Variants in TMEM174 observed in about 807,000 individuals in gnomAD.
The protein encoded by TMEM174 is transmembrane protein 174.
A neutral mutation model predicts 15.1 loss-of-function variants in TMEM174; 11 were observed. The observed-to-expected ratio is 0.73, with a 90% CI of 0.46 to 1.20. The LOEUF (loss-of-function observed/expected upper bound fraction) is 1.20. TMEM174 is among the 50% of genes most tolerant of loss of function. The pLI is 0.00. For missense variants in TMEM174, 321 were observed against 303.6 expected (o/e 1.06, Z -0.43); for synonymous variants, 130 against 121.3 (o/e 1.07, Z -0.47).
chr5:73,173,413 T>C lies in TMEM174; in HGVS notation c.170T>C (p.Met57Thr), dbSNP rs1561179049. 1.2e-6 allele frequency: 2 copies of C among 1,614,180 alleles called. No individual in the cohort carries two copies. The highest frequency in any genetic ancestry group is 4.5e-5 in the East Asian group (2 of 44,874). Reference sequence around the variant, plus strand: ...CTGGTGGGGATCACATTCACTGTCATGGGCTGGATCAAATACCAAGGTGTC... The same window carrying C: ...CTGGTGGGGATCACATTCACTGTCACGGGCTGGATCAAATACCAAGGTGTC... ...LGLVGITFTV[M>T]GWIKYQGVSH... Residue 57 changes from methionine (M) to threonine (T), a missense_variant, in exon 1 of 2, where the codon ATG becomes ACG. By Grantham distance (81) the Met-to-Thr change is moderately conservative. Transcript: ENST00000296776.
In TMEM174 at chr5:73,174,414, T is replaced by G. The variant is rs1745034285; in HGVS notation, c.*249T>G. On this transcript the variant is annotated 3_prime_UTR_variant, in exon 2 of 2. Coordinates refer to ENST00000296776, the MANE Select transcript of TMEM174 (RefSeq NM_153217.3). ...TTCAAATTCCCTCGGGTAAGAAATC[T>G]CCTGTATAAGGTTCAGGAGCAGGAA... 1 of 492,410 alleles carries G rather than the reference T, an allele frequency of 2.0e-6. No individual in the cohort carries two copies. Among genetic ancestry groups the G allele is most frequent in the African/African-American group, 1.9e-5 (1 of 51,886 alleles). The allele number at this position is 492,410 out of a possible 1,614,324, so 30.5% of individuals were successfully genotyped here. A position where few individuals can be genotyped will look rare whatever the true frequency, so the allele number is the denominator to read the frequency against.
Position 73,174,220 on chromosome 5 carries a change from C to T in TMEM174, c.*55C>T, listed in dbSNP as rs939408643. 1 of 1,518,428 alleles carries T rather than the reference C, an allele frequency of 6.6e-7. No homozygotes were observed. The allele number at this position is 1,518,428 out of a possible 1,614,324, so 94.1% of individuals were successfully genotyped here. On this transcript the variant is annotated 3_prime_UTR_variant, in exon 2 of 2. Coordinates refer to ENST00000296776, the MANE Select transcript of TMEM174 (RefSeq NM_153217.3). ...CAGCTCAGGGAGCAAGTGTTTCCGT[C>T]ATTGTTACCTGACAACCGTGGTGTT...
Position 73,174,090 on chromosome 5 carries a change from G to T in TMEM174, c.657G>T (p.Glu219Asp), listed in dbSNP as rs746744949. ...ATCCTGATGTTGACCAGCTAGAAGA[G>T]ACACAGCTGGAAGAGGAGGCCTGTG... is the stretch of plus-strand genomic sequence containing the variant. ...RPNPDVDQLE[E>D]TQLEEEACAC... is the part of the protein sequence containing the mutation. Residue 219 changes from glutamate to aspartate, a missense_variant, in exon 2 of 2, where the codon GAG becomes GAT. Transcript: ENST00000296776. 16 of 1,613,992 alleles carry T rather than the reference G, an allele frequency of 9.9e-6. No homozygotes were observed. The African/African-American group carries it at 1.7e-4, about 18-fold the overall frequency.
chr5:73,173,737 G>A lies in TMEM174; in HGVS notation c.494G>A (p.Gly165Asp), dbSNP rs757162449. Reference sequence around the variant, plus strand: ...CTGCAGTCTGTGGTGAGCCCCTGCGGCCTCATAACCTCTGGAGGGGCAGCA... The same window carrying A: ...CTGCAGTCTGTGGTGAGCCCCTGCGACCTCATAACCTCTGGAGGGGCAGCA... ...SYLQSVVSPCGLITSGGAAAA... is the reference protein window; with the variant it reads ...SYLQSVVSPCDLITSGGAAAA... Residue 165 changes from glycine to aspartate, a missense_variant, in exon 1 of 2, where the codon GGC becomes GAC. Physicochemically the swap from Gly to Asp is moderately conservative, Grantham distance 94. Transcript: ENST00000296776. 2.5e-6 allele frequency: 4 copies of A among 1,614,154 alleles called. No homozygotes were observed. Among genetic ancestry groups the A allele is most frequent in the Middle Eastern group, 1.6e-4 (1 of 6,062 alleles).
At position 73,175,090 on chromosome 5, in the gene TMEM174, T is replaced by C. The variant is rs1443893679; in HGVS notation, c.*925T>C. On this transcript the variant is annotated 3_prime_UTR_variant, in exon 2 of 2. Coordinates refer to ENST00000296776, the MANE Select transcript of TMEM174 (RefSeq NM_153217.3). ...GGGGAATGATATGATAGAAACAATC[T>C]TTATGACTAAAAGAAACTCATCTTC... 1 of 152,356 alleles carries C rather than the reference T, an allele frequency of 6.6e-6. No homozygotes were observed. The highest frequency in any genetic ancestry group is 1.5e-5 in the Non-Finnish European group (1 of 68,038). 9.4% of individuals were successfully genotyped at this position (152,356 alleles called of 1,614,324 possible).
In TMEM174 at chr5:73,174,200, C is replaced by T. The variant is rs1191004644; in HGVS notation, c.*35C>T. On this transcript the variant is annotated 3_prime_UTR_variant, in exon 2 of 2. Coordinates refer to ENST00000296776, the MANE Select transcript of TMEM174 (RefSeq NM_153217.3). ...TGATATAATAACACAATGCTCAGCT[C>T]AGGGAGCAAGTGTTTCCGTCATTGT... The T allele has an allele frequency of 3.2e-6, 5 of 1,584,284 alleles. No individual in the cohort carries two copies. The highest frequency in any genetic ancestry group is 2.6e-6 in the Non-Finnish European group (3 of 1,153,112).
rs755064799 is a variant in TMEM174 at position 73,173,291 on chromosome 5, C to T, written c.48C>T (p.Phe16=). ...GRLEDFPVNV[F]SVTPYTPSTA... is the part of the protein sequence containing the mutation. ...TGGAGGACTTCCCTGTCAATGTGTTCTCCGTCACTCCTTACACACCCAGCA... is the reference window on the plus strand; with the variant it reads ...TGGAGGACTTCCCTGTCAATGTGTTTTCCGTCACTCCTTACACACCCAGCA... The change falls in exon 1 of 2, where the codon TTC becomes TTT. Residue 16 remains phenylalanine, a synonymous_variant. Transcript: ENST00000296776. 41 of 1,556,510 alleles carry T rather than the reference C, an allele frequency of 2.6e-5. No individual in the cohort carries two copies. Among genetic ancestry groups the T allele is most frequent in the Admixed American group, 1.6e-4 (9 of 54,774 alleles).
At position 73,173,345 on chromosome 5, in the gene TMEM174, C is replaced by A; in HGVS notation, c.102C>A (p.Asp34Glu). 1 of 1,602,196 alleles carries A rather than the reference C, an allele frequency of 6.2e-7. No homozygotes were observed. The highest frequency in any genetic ancestry group is 8.5e-7 in the Non-Finnish European group (1 of 1,172,666). ...CTGACATCCAGGTGTCCGATGATGA[C>A]AAGGCGGGGGCCACCTTGCTCTTCT... ...STADIQVSDD[D>E]KAGATLLFSG... is the part of the protein sequence containing the mutation. Residue 34 changes from aspartate to glutamate, a missense_variant, in exon 1 of 2, where the codon GAC becomes GAA. Coordinates refer to ENST00000296776, the MANE Select transcript of TMEM174 (RefSeq NM_153217.3).
Position 73,175,062 on chromosome 5 carries a change from C to T in TMEM174, c.*897C>T, listed in dbSNP as rs1745046170. The T allele has an allele frequency of 6.6e-6, 1 of 152,322 alleles. No homozygotes were observed. The highest frequency in any genetic ancestry group is 1.5e-5 in the Non-Finnish European group (1 of 68,052). The allele number at this position is 152,322 out of a possible 1,614,324, so 9.4% of individuals were successfully genotyped here. A position where few individuals can be genotyped will look rare whatever the true frequency, so the allele number is the denominator to read the frequency against. ...ACAGAGCAGAGTTGCCATGTCAACACATGGGGAATGATATGATAGAAACAA... is the reference window on the plus strand; with the variant it reads ...ACAGAGCAGAGTTGCCATGTCAACATATGGGGAATGATATGATAGAAACAA... On this transcript the variant is annotated 3_prime_UTR_variant, in exon 2 of 2. Transcript: ENST00000296776.
Position 73,173,342 on chromosome 5 carries a change from T to A in TMEM174, c.99T>A (p.Asp33Glu), listed in dbSNP as rs374320523. 1.2e-6 allele frequency: 2 copies of A among 1,601,686 alleles called. No homozygotes were observed. Among genetic ancestry groups the A allele is most frequent in the Admixed American group, 3.4e-5 (2 of 59,564 alleles). ...CCGCTGACATCCAGGTGTCCGATGA[T>A]GACAAGGCGGGGGCCACCTTGCTCT... ...PSTADIQVSD[D>E]DKAGATLLFS... Residue 33 changes from aspartate to glutamate, a missense_variant, in exon 1 of 2, where the codon GAT (aspartate) becomes GAA (glutamate). Transcript: ENST00000296776.
chr5:73,174,211 T>C lies in TMEM174; in HGVS notation c.*46T>C, dbSNP rs750743373. 14 of 1,563,086 alleles carry C rather than the reference T, an allele frequency of 9.0e-6. 1 individual carries two copies. In the Middle Eastern group the frequency reaches 6.7e-4, roughly 75 times the overall value. ...CACAATGCTCAGCTCAGGGAGCAAG[T>C]GTTTCCGTCATTGTTACCTGACAAC... is the stretch of plus-strand genomic sequence containing the variant. On this transcript the variant is annotated 3_prime_UTR_variant, in exon 2 of 2. Transcript: ENST00000296776.
chr5:73,174,054 T>A lies in TMEM174; in HGVS notation c.627-6T>A. 1 of 1,613,768 alleles carries A rather than the reference T, an allele frequency of 6.2e-7. No homozygotes were observed. Among genetic ancestry groups the A allele is most frequent in the Non-Finnish European group, 8.5e-7 (1 of 1,179,982 alleles). ...AATGTACCTGTGTTTTCTGCTCACATTTCAGGCCCAATCCTGATGTTGACC... is the reference window on the plus strand; with the variant it reads ...AATGTACCTGTGTTTTCTGCTCACAATTCAGGCCCAATCCTGATGTTGACC... On this transcript the variant is annotated splice_region_variant and splice_polypyrimidine_tract_variant and intron_variant, in intron 1 of 1. Transcript: ENST00000296776.
At position 73,173,263 on chromosome 5, in the gene TMEM174, G is replaced by T. The variant is rs142247362; in HGVS notation, c.20G>T (p.Arg7Leu). MEQGSG[R>L]LEDFPVNVFS... ...GGAGCAATGGAGCAGGGCAGCGGCC[G>T]CTTGGAGGACTTCCCTGTCAATGTG... Residue 7 changes from arginine to leucine, a missense_variant, in exon 1 of 2, where the codon CGC becomes CTC. Transcript: ENST00000296776. 4 of 1,539,300 alleles carry T rather than the reference G, an allele frequency of 2.6e-6. No homozygotes were observed. The East Asian group carries it at 6.8e-5, about 26-fold the overall frequency.
chr5:73,173,330 G>A lies in TMEM174; in HGVS notation c.87G>A (p.Gln29=). 6.3e-7 allele frequency: 1 copy of A among 1,593,882 alleles called. No individual in the cohort carries two copies. Among genetic ancestry groups the A allele is most frequent in the South Asian group, 1.1e-5 (1 of 87,030 alleles). Residue 29 remains glutamine (Q), a synonymous_variant, in exon 1 of 2, where the codon CAG becomes CAA. Coordinates refer to ENST00000296776, the MANE Select transcript of TMEM174 (RefSeq NM_153217.3). The part of the protein sequence containing the change: ...TPYTPSTADI[Q]VSDDDKAGAT... ...ACACACCCAGCACCGCTGACATCCA[G>A]GTGTCCGATGATGACAAGGCGGGGG...
At position 73,173,416 on chromosome 5, in the gene TMEM174, G is replaced by T; in HGVS notation, c.173G>T (p.Gly58Val). The T allele has an allele frequency of 6.2e-7, 1 of 1,614,174 alleles. No individual in the cohort carries two copies. Among genetic ancestry groups the T allele is most frequent in the Non-Finnish European group, 8.5e-7 (1 of 1,180,008 alleles). ...GTGGGGATCACATTCACTGTCATGG[G>T]CTGGATCAAATACCAAGGTGTCTCC... Reference protein sequence around the residue: ...GLVGITFTVMGWIKYQGVSHF... With the variant: ...GLVGITFTVMVWIKYQGVSHF... Residue 58 changes from glycine to valine, a missense_variant, in exon 1 of 2, where the codon GGC becomes GTC. Transcript: ENST00000296776.
rs1467627474 is a variant in TMEM174 at position 73,173,395 on chromosome 5, G to T, written c.152G>T (p.Gly51Val). The T allele has an allele frequency of 1.2e-6, 2 of 1,612,984 alleles. No individual in the cohort carries two copies. The highest frequency in any genetic ancestry group is 2.2e-5 in the East Asian group (1 of 44,852). The change falls in exon 1 of 2, where the codon GGG (glycine) becomes GTG (valine). Residue 51 changes from glycine (G) to valine (V), a missense_variant. Gly to Val is a moderately radical substitution (Grantham distance 109). Transcript: ENST00000296776. ...TCAGGCATCTTTCTGGGACTGGTGG[G>T]GATCACATTCACTGTCATGGGCTGG... ...LFSGIFLGLV[G>V]ITFTVMGWIK...
Position 73,173,312 on chromosome 5 carries a change from C to T in TMEM174, c.69C>T (p.Pro23=). ...TGTTCTCCGTCACTCCTTACACACC[C>T]AGCACCGCTGACATCCAGGTGTCCG... The part of the protein sequence containing the change: ...VNVFSVTPYT[P]STADIQVSDD... The change falls in exon 1 of 2, where the codon CCC becomes CCT. Residue 23 remains proline, a synonymous_variant. Coordinates refer to ENST00000296776, the MANE Select transcript of TMEM174 (RefSeq NM_153217.3). The T allele has an allele frequency of 6.3e-7, 1 of 1,579,336 alleles. No individual in the cohort carries two copies. The highest frequency in any genetic ancestry group is 2.2e-5 in the East Asian group (1 of 44,580).
rs967955669 is a variant in TMEM174, at chr5:73,174,402, G to A, written c.*237G>A. The A allele has an allele frequency of 3.7e-5, 19 of 513,544 alleles. No individual in the cohort carries two copies. The highest frequency in any genetic ancestry group is 2.6e-4 in the South Asian group (10 of 37,868). The allele number at this position is 513,544 out of a possible 1,614,324, so 31.8% of individuals were successfully genotyped here. A position where few individuals can be genotyped will look rare whatever the true frequency, so the allele number is the denominator to read the frequency against. On this transcript the variant is annotated 3_prime_UTR_variant, in exon 2 of 2. Transcript: ENST00000296776. The stretch of plus-strand genomic sequence containing the variant: ...CTCCGGAACAGTTTCAAATTCCCTC[G>A]GGTAAGAAATCTCCTGTATAAGGTT...
rs771561319 is a variant in TMEM174, at chr5:73,173,415, G to A, written c.172G>A (p.Gly58Ser). 15 of 1,614,000 alleles carry A rather than the reference G, an allele frequency of 9.3e-6. No individual in the cohort carries two copies. The South Asian group carries it at 1.5e-4, about 17-fold the overall frequency. Reference sequence around the variant, plus strand: ...GGTGGGGATCACATTCACTGTCATGGGCTGGATCAAATACCAAGGTGTCTC... The same window carrying A: ...GGTGGGGATCACATTCACTGTCATGAGCTGGATCAAATACCAAGGTGTCTC... Reference protein sequence around the residue: ...GLVGITFTVMGWIKYQGVSHF... With the variant: ...GLVGITFTVMSWIKYQGVSHF... The change falls in exon 1 of 2, where the codon GGC becomes AGC. Residue 58 changes from glycine (G) to serine (S), a missense_variant. By Grantham distance (56) the Gly-to-Ser change is moderately conservative (BLOSUM62 0). Transcript: ENST00000296776.
Sources: gnomAD v4.1 joint callset for allele counts on GRCh38, gnomAD v4.1.1 for gene constraint, MANE v1.5 for transcripts, NCBI Gene and HGNC (gene_info 2026-07-23, HGNC 2026-07-21) for gene names.